BACE2: variants seen among roughly 807,000 people sequenced by gnomAD.
The protein encoded by BACE2 is 56 kDa aspartic-like protease.
Under a neutral mutation model 46.2 loss-of-function variants are expected in BACE2, and 17 were observed. That is an observed-to-expected ratio of 0.37 (90% confidence interval 0.25 to 0.55). The LOEUF (loss-of-function observed/expected upper bound fraction) is 0.55. Among genes scored for constraint, BACE2 ranks in the 20% least tolerant of loss-of-function variants. The pLI, the probability that BACE2 is intolerant of heterozygous loss-of-function variation, is 0.82. For synonymous variants in BACE2, 277 were observed against 295.9 expected (o/e 0.94, Z 0.66); for missense variants, 595 against 698.1 (o/e 0.85, Z 1.66).
intron 1 of BACE2, among the ~76,000 whole-genome samples, chr21:41,194,242 T>A (rs1281604343): frequency 6.6e-6 from 1 of 152,190 alleles, no homozygotes; most frequent in Non-Finnish European, 1.5e-5. Flanking sequence ...GCCGGAGCTC[T>A]ACACGAGCCA....
chr21:41,242,100 A>G (rs929193157), intron 4 of BACE2, among the ~76,000 whole-genome samples, 153 bp downstream of exon 4: 43 of 152,082 alleles, frequency 2.8e-4, no homozygotes, highest in Admixed American at 3.3e-4. Flanking sequence ...TCTTTTTAGA[A>G]ATGGCTAAAA....
chr21:41,208,891 G>A (rs1986213806), intron 1 of BACE2, among the ~76,000 whole-genome samples: 4 of 152,098 alleles, frequency 2.6e-5, no homozygotes. Flanking sequence ...AGGAGAGCTG[G>A]GCAGCCAGGG....
intron 8 of BACE2, among the ~76,000 whole-genome samples, chr21:41,263,237 A>T (rs1394887553): frequency 1.3e-5 from 2 of 152,216 alleles, no homozygotes. Context: ...AACATTCAAC[A>T]TTAAGCATAT....
intron 1 of BACE2, among the ~76,000 whole-genome samples, chr21:41,188,873 C>T (rs1275319738): frequency 6.6e-6 from 1 of 152,180 alleles, no homozygotes. Context: ...AGGATTCTTC[C>T]TGGGGCCACT....
intron 1 of BACE2, chr21:41,178,947 C>T (rs199938181): frequency 4.2e-5 from 19 of 457,318 alleles, no homozygotes; most frequent in South Asian, 1.9e-4. Context: ...TTTATAAGGG[C>T]GGTTATGGAA....
At chr21:41,227,330 G>A (rs957216822) in intron 2 of BACE2, among the ~76,000 whole-genome samples, 4 of 152,174 alleles carry the variant, frequency 2.6e-5, no homozygotes, top group African/African-American at 7.2e-5. Flanking sequence ...TTTCCCTACT[G>A]TAAATTCTTT....
rs1432842107 is a variant in BACE2, at chr21:41,193,899, C to A, written c.312+25324C>A. Among the ~76,000 whole-genome samples the A allele has an allele frequency of 1.3e-5, 2 of 152,194 alleles. No individual in the cohort carries two copies. Among genetic ancestry groups the A allele is most frequent in the African/African-American group, 2.4e-5 (1 of 41,450 alleles). Reference sequence around the variant, plus strand: ...TCCAGTAGTCCCTGAAATGTCTGATCATCTCCCTTTCCCCAGTGCACAGTT... The same window carrying A: ...TCCAGTAGTCCCTGAAATGTCTGATAATCTCCCTTTCCCCAGTGCACAGTT... On this transcript the variant is annotated intron_variant, in intron 1 of 8. Transcript: ENST00000330333. The surrounding 1 kb of genome is among the most constrained non-coding windows in gnomAD (Gnocchi z 4.2).
At chr21:41,204,172 A>G (rs1249117570) in intron 1 of BACE2, among the ~76,000 whole-genome samples, 1 of 152,098 alleles carries the variant, frequency 6.6e-6, no homozygotes, top group African/African-American at 2.4e-5. Flanking sequence ...ACTCACCATC[A>G]TGCCCGGCTA....
intron 1 of BACE2, chr21:41,179,747 G>A (rs1465139276): frequency 6.0e-6 from 6 of 996,422 alleles, no homozygotes; most frequent in Non-Finnish European, 8.3e-6. Flanking sequence ...AGCTGAGGGT[G>A]CCTGGTGTGG....
chr21:41,207,361 T>C (rs1986160976), intron 1 of BACE2, among the ~76,000 whole-genome samples: 1 of 152,152 alleles, frequency 6.6e-6, no homozygotes, highest in East Asian at 1.9e-4. Context: ...TTTTTAATAG[T>C]TTGTTTTCTT....
intron 1 of BACE2, among the ~76,000 whole-genome samples, chr21:41,202,793 C>T (rs898419222): frequency 1.3e-5 from 2 of 152,140 alleles, no homozygotes; most frequent in Non-Finnish European, 2.9e-5. Flanking sequence ...GGCTGATCAG[C>T]AGTTACATGG....
chr21:41,237,663 G>T lies in BACE2; in HGVS notation c.552G>T (p.Glu184Asp), dbSNP rs1176548713. Residue 184 changes from glutamate (E) to aspartate (D), a missense_variant, in exon 3 of 9, where the codon GAG (glutamate) becomes GAT (aspartate). Around this residue, in one of 3 missense-constraint regions of BACE2, gnomAD observed 248 missense variants for 261.4 expected, o/e 0.95. Coordinates refer to ENST00000330333, the MANE Select transcript of BACE2 (RefSeq NM_012105.5). ...ACATTGCCACTATTTTTGAATCAGA[G>T]AATTTCTTTTTGCCTGGGATTAAAT... ...LVNIATIFES[E>D]NFFLPGIKWN... 6.2e-7 allele frequency: 1 copy of T among 1,614,132 alleles called. No individual in the cohort carries two copies. Among genetic ancestry groups the T allele is most frequent in the South Asian group, 1.1e-5 (1 of 91,082 alleles).
At chr21:41,237,760 A>T in intron 3 of BACE2, 31 bp downstream of exon 3, 1 of 1,563,158 alleles carries the variant, frequency 6.4e-7, no homozygotes, top group African/African-American at 1.4e-5. Flanking sequence ...TAAGGAAATC[A>T]AATAACAGGA....
chr21:41,203,381 C>CAGTA (rs1193399897), intron 1 of BACE2, among the ~76,000 whole-genome samples: 1 of 151,994 alleles, frequency 6.6e-6, no homozygotes, highest in Non-Finnish European at 1.5e-5. Context: ...AAGGAAGAGC[C>CAGTA]AGTACGACGG....
intron 1 of BACE2, among the ~76,000 whole-genome samples, chr21:41,207,665 G>A (rs1986171202): frequency 6.6e-6 from 1 of 151,706 alleles, no homozygotes; most frequent in South Asian, 2.1e-4. Flanking sequence ...GGGACTGTTG[G>A]AGCAGAAGAA....
chr21:41,278,601 T>C lies in BACE2; in HGVS notation c.*2977T>C, dbSNP rs146882692. 9.2e-5 allele frequency: 14 copies of C among 152,330 alleles called. No homozygotes were observed. The highest frequency in any genetic ancestry group is 2.9e-4 in the African/African-American group (12 of 41,574). 9.4% of individuals were successfully genotyped at this position (152,330 alleles called of 1,614,324 possible). ...ATTTGGGGTCAGTTACTGTTCAAAATTGTGAAAGTAGTTCCCAGGAAGACA... is the reference window on the plus strand; with the variant it reads ...ATTTGGGGTCAGTTACTGTTCAAAACTGTGAAAGTAGTTCCCAGGAAGACA... On this transcript the variant is annotated 3_prime_UTR_variant, in exon 9 of 9. Coordinates refer to ENST00000330333, the MANE Select transcript of BACE2 (RefSeq NM_012105.5).
At chr21:41,207,726 GCT>G (rs1986173289) in intron 1 of BACE2, among the ~76,000 whole-genome samples, 1 of 152,198 alleles carries the variant, frequency 6.6e-6, no homozygotes, top group South Asian at 2.1e-4. Context: ...AGGAACACAG[GCT>G]CTCTGGCCTC....
chr21:41,254,106 C>A (rs1386400096), intron 7 of BACE2, among the ~76,000 whole-genome samples: 1 of 152,266 alleles, frequency 6.6e-6, no homozygotes, highest in East Asian at 1.9e-4. Flanking sequence ...AAACATGAGC[C>A]CTAATAAGTG....
rs775542937 is a variant in BACE2, at chr21:41,257,207, G to A, written c.1184G>A (p.Arg395Gln). Residue 395 changes from arginine (R) to glutamine (Q), a missense_variant, in exon 8 of 9, where the codon CGA becomes CAA. Physicochemically the swap from Arg to Gln is conservative, Grantham distance 43. This residue lies in a region of BACE2 where 343 missense variants were observed against 419.4 expected (regional missense o/e 0.82). Coordinates refer to ENST00000330333, the MANE Select transcript of BACE2 (RefSeq NM_012105.5). ...GCCGGCCTGAATTATGAATGTTACC[G>A]ATTCGGCATTTCCCCATCCACAAAT... Reference protein sequence around the residue: ...MGAGLNYECYRFGISPSTNAL... With the variant: ...MGAGLNYECYQFGISPSTNAL... 5 of 1,614,142 alleles carry A rather than the reference G, an allele frequency of 3.1e-6. No homozygotes were observed. The highest frequency in any genetic ancestry group is 1.1e-5 in the South Asian group (1 of 91,070).
Sources: allele counts gnomAD v4.1 joint callset (sites outside exome capture counted in the v4.1 genomes callset), GRCh38; gene constraint gnomAD v4.1.1; regional missense constraint gnomAD v4.1.1; non-coding constraint Gnocchi (gnomAD v3.1); transcripts MANE v1.5; gene names NCBI Gene and HGNC (gene_info 2026-07-23, HGNC 2026-07-21).